The following SORCS1 variants were observed in gnomAD, a reference collection of about 807,000 sequenced individuals.
The protein encoded by SORCS1 is VPS10 domain-containing receptor SorCS1.
A neutral mutation model predicts 146.1 loss-of-function variants in SORCS1; 60 were observed. The observed-to-expected ratio is 0.41, with a 90% CI of 0.33 to 0.51. The LOEUF (loss-of-function observed/expected upper bound fraction) is 0.51, where lower values mean the gene tolerates loss of function less well. SORCS1 is among the 20% of genes least tolerant of loss of function. The pLI, the probability that SORCS1 is intolerant of heterozygous loss-of-function variation, is 0.21. For missense variants in SORCS1, 1,352 were observed against 1,487.6 expected (o/e 0.91, Z 1.50); for synonymous variants, 637 against 584.0 (o/e 1.09, Z -1.31).
At chr10:107,048,111 T>C (rs1285121090) in intron 1 of SORCS1, among the ~76,000 whole-genome samples, 1 of 151,970 alleles carries the variant, frequency 6.6e-6, no homozygotes, top group Non-Finnish European at 1.5e-5. Context: ...CTTTACTCTC[T>C]GGCTACCTGG....
chr10:107,001,882 A>G (rs1171465730), intron 1 of SORCS1, among the ~76,000 whole-genome samples: 1 of 152,212 alleles, frequency 6.6e-6, no homozygotes, highest in South Asian at 2.1e-4. Context: ...ATTCACACCA[A>G]TCTGTTATTA....
chr10:106,736,823 T>G (rs953217876), intron 5 of SORCS1, among the ~76,000 whole-genome samples: 1 of 152,122 alleles, frequency 6.6e-6, no homozygotes, highest in Non-Finnish European at 1.5e-5. Flanking sequence ...GTCACATTGG[T>G]TCTCCAGAAC....
intron 16 of SORCS1, among the ~76,000 whole-genome samples, chr10:106,668,628 G>A (rs982868007): frequency 1.3e-5 from 2 of 152,160 alleles, no homozygotes; most frequent in African/African-American, 2.4e-5. Context: ...TGTAATGGAG[G>A]TGAGATGCTG....
At chr10:107,020,115 C>CAA (rs1422936047) in intron 1 of SORCS1, among the ~76,000 whole-genome samples, 1 of 152,212 alleles carries the variant, frequency 6.6e-6, no homozygotes, top group African/African-American at 2.4e-5. Flanking sequence ...GCTTTTACCT[C>CAA]AAATTATCCA....
In SORCS1 at chr10:106,924,728, C is replaced by CT. The variant is rs71025565; in HGVS notation, c.626+31784dup. On this transcript the variant is annotated intron_variant, in intron 2 of 25. Transcript: ENST00000263054. The stretch of plus-strand genomic sequence containing the variant: ...AACAGATGAACAGGGATTCCCAAGT[C>CT]TTTTTTTTTTTCAATTTTTACATTT... Among the ~76,000 whole-genome samples, 477 of 138,762 alleles carry CT rather than the reference C, an allele frequency of 3.4e-3. 4 individuals are homozygous for CT. The highest frequency in any genetic ancestry group is 6.0e-3 in the Admixed American group (83 of 13,874). 91.0% of individuals were successfully genotyped at this position (138,762 alleles called of 152,430 possible).
At chr10:106,686,478 C>T (rs1404642563) in intron 10 of SORCS1, among the ~76,000 whole-genome samples, 1 of 152,160 alleles carries the variant, frequency 6.6e-6, no homozygotes, top group Admixed American at 6.5e-5. Context: ...AAGGAACTGG[C>T]ATATCCCATG....
the SORCS1 span, among the ~76,000 whole-genome samples, chr10:107,176,905 A>C: frequency 6.6e-6 from 1 of 151,940 alleles, no homozygotes; most frequent in Non-Finnish European, 1.5e-5. Flanking sequence ...ATATTCTATA[A>C]TTTTATTAAT....
At chr10:106,584,175 T>C (rs1263610844) in intron 24 of SORCS1, among the ~76,000 whole-genome samples, 1 of 152,212 alleles carries the variant, frequency 6.6e-6, no homozygotes, top group East Asian at 1.9e-4. Flanking sequence ...GATATGGGAA[T>C]AGCACAGAGA....
chr10:106,588,447 C>T (rs1304298064), intron 24 of SORCS1, among the ~76,000 whole-genome samples: 2 of 152,250 alleles, frequency 1.3e-5, no homozygotes, highest in African/African-American at 2.4e-5. Flanking sequence ...TGGAGATAGT[C>T]GTTCACCTTT....
intron 1 of SORCS1, among the ~76,000 whole-genome samples, chr10:107,028,268 A>G (rs1403409169): frequency 6.6e-6 from 1 of 152,204 alleles, no homozygotes; most frequent in East Asian, 1.9e-4. Context: ...AGTTTCTCAC[A>G]TGACTACCCT....
chr10:106,582,448 C>G (rs1844979031), intron 24 of SORCS1, among the ~76,000 whole-genome samples: 1 of 152,212 alleles, frequency 6.6e-6, no homozygotes, highest in Non-Finnish European at 1.5e-5. Flanking sequence ...CCACTGCCCT[C>G]TGTTCCGTGG....
At position 107,060,488 on chromosome 10, in the gene SORCS1, CT is replaced by C. The variant is rs11346571; in HGVS notation, c.558+103480del. Among the ~76,000 whole-genome samples, 9,674 of 152,162 alleles carry C rather than the reference CT, an allele frequency of 0.064. 948 individuals carry two copies. Among genetic ancestry groups the C allele is most frequent in the African/African-American group, 0.22 (8,920 of 41,460 alleles). On this transcript the variant is annotated intron_variant, in intron 1 of 25. Coordinates refer to ENST00000263054, the MANE Select transcript of SORCS1 (RefSeq NM_052918.5). The surrounding 1 kb of genome is among the most constrained non-coding windows in gnomAD (Gnocchi z 4.1). ...AACCTAAAAATGGAAGCTGCCAGAC[CT>C]TCTCTGCACTCTGTTCAGACAGGAT...
chr10:106,621,379 G>C (rs186823564), intron 19 of SORCS1, among the ~76,000 whole-genome samples: 101 of 151,784 alleles, frequency 6.7e-4, no homozygotes, highest in African/African-American at 2.3e-3. Context: ...CCCCATCTTT[G>C]TCCCATGAGG....
intron 2 of SORCS1, among the ~76,000 whole-genome samples, chr10:106,937,630 T>C (rs1953809103): frequency 2.0e-5 from 3 of 152,144 alleles, no homozygotes; most frequent in Admixed American, 2.0e-4. Flanking sequence ...TGTTTTTCTT[T>C]ATAAATTACC....
In SORCS1 at chr10:106,881,076, C is replaced by CAAAA. The variant is rs59128024; in HGVS notation, c.627-51407_627-51404dup. 1.0e-3 allele frequency among the ~76,000 whole-genome samples: 69 copies of CAAAA among 68,666 alleles called. 1 individual carries two copies. Among genetic ancestry groups the CAAAA allele is most frequent in the African/African-American group, 2.0e-3 (34 of 17,074 alleles). 45.0% of individuals were successfully genotyped at this position (68,666 alleles called of 152,430 possible). On this transcript the variant is annotated intron_variant, in intron 2 of 25. Transcript: ENST00000263054. ...TGGGCAACAGAGCAAGACTCTGTCT[C>CAAAA]AAAAAAAAAAAAAAAAAAAAAAGAA...
At chr10:106,775,188 G>C (rs971587281) in intron 4 of SORCS1, among the ~76,000 whole-genome samples, 1 of 152,174 alleles carries the variant, frequency 6.6e-6, no homozygotes, top group Non-Finnish European at 1.5e-5. Context: ...ATCGGTGGGG[G>C]GGAATTAACC....
chr10:106,944,377 G>C (rs762973566), intron 2 of SORCS1, among the ~76,000 whole-genome samples: 3 of 152,048 alleles, frequency 2.0e-5, no homozygotes, highest in African/African-American at 2.4e-5. Flanking sequence ...CTGAAATATG[G>C]GATGTACTCA....
intron 25 of SORCS1, chr10:106,578,950 A>G (rs1844727567): frequency 1.4e-6 from 2 of 1,433,192 alleles, no homozygotes; most frequent in Non-Finnish European, 1.8e-6. Context: ...CAGAGGAAGC[A>G]GGGAAAAAGC....
At chr10:106,622,638 G>A (rs1847828046) in intron 19 of SORCS1, among the ~76,000 whole-genome samples, 1 of 152,204 alleles carries the variant, frequency 6.6e-6, no homozygotes, top group Non-Finnish European at 1.5e-5. Context: ...ATAAGCCAGA[G>A]CAGTTCAATG....
Sources: allele counts gnomAD v4.1 joint callset (sites outside exome capture counted in the v4.1 genomes callset), GRCh38; gene constraint gnomAD v4.1.1; non-coding constraint Gnocchi (gnomAD v3.1); transcripts MANE v1.5; gene names NCBI Gene and HGNC (gene_info 2026-07-23, HGNC 2026-07-21).